Variants in ATP10B observed in about 807,000 individuals in gnomAD.
ATP10B encodes the protein ATPase phospholipid transporting 10B (putative).
Under a neutral mutation model 141.2 loss-of-function variants are expected in ATP10B, and 122 were observed. The ratio of observed to expected loss-of-function variants is 0.86; its 90% CI spans 0.75 to 1.00. The LOEUF (loss-of-function observed/expected upper bound fraction) is 1.00. Among genes scored for constraint, ATP10B ranks in the 50% least tolerant of loss-of-function variants. The pLI is 0.00. For synonymous variants in ATP10B, 685 were observed against 692.0 expected (o/e 0.99, Z 0.16); for missense variants, 1,876 against 1,825.3 (o/e 1.03, Z -0.51).
rs1386316213 is a variant in ATP10B, at chr5:160,569,370, T to A, written c.3938+126A>T. ...CATTGTTCTTTCTGTCCCATCTCTC[T>A]GTTTCTGAAACATTAGCCTCAAGGA... On this transcript the variant is annotated intron_variant, in intron 25 of 25. Coordinates refer to ENST00000327245, the MANE Select transcript of ATP10B (RefSeq NM_025153.3). The A allele has an allele frequency of 8.7e-6, 8 of 914,400 alleles. No homozygotes were observed. The African/African-American group carries it at 1.2e-4, about 14-fold the overall frequency. 56.6% of individuals were successfully genotyped at this position (914,400 alleles called of 1,614,324 possible).
At chr5:160,867,053 A>C in the ATP10B span, among the ~76,000 whole-genome samples, 16,085 of 152,156 alleles carry the variant, frequency 0.11, 991 homozygotes, top group Middle Eastern at 0.15. Context: ...ATCATGTACT[A>C]GCTATATGTT....
At chr5:160,653,708 T>C (rs1019053455) in intron 7 of ATP10B, among the ~76,000 whole-genome samples, 14 of 123,774 alleles carry the variant, frequency 1.1e-4, no homozygotes, top group Admixed American at 4.9e-4. Flanking sequence ...ATATACAATA[T>C]ATACATATAT....
At chr5:160,827,461 A>G (rs746068184) in intron 1 of ATP10B, among the ~76,000 whole-genome samples, 1 of 152,166 alleles carries the variant, frequency 6.6e-6, no homozygotes, top group Non-Finnish European at 1.5e-5. Flanking sequence ...CTTCTTTCAA[A>G]AGGTGTCTGT....
intron 1 of ATP10B, among the ~76,000 whole-genome samples, chr5:160,831,568 T>A (rs180883394): frequency 1.3e-5 from 2 of 152,216 alleles, no homozygotes; most frequent in East Asian, 3.9e-4. Context: ...TTACTAATTA[T>A]GAGGTAACAC....
chr5:160,565,809 G>C lies in ATP10B; in HGVS notation c.4030C>G (p.Leu1344Val). 1 of 1,614,050 alleles carries C rather than the reference G, an allele frequency of 6.2e-7. No homozygotes were observed. Among genetic ancestry groups the C allele is most frequent in the Non-Finnish European group, 8.5e-7 (1 of 1,179,972 alleles). Residue 1344 changes from leucine to valine, a missense_variant, in exon 26 of 26, where the codon CTG becomes GTG. By Grantham distance (32) the Leu-to-Val change is conservative (BLOSUM62 1). Coordinates refer to ENST00000327245, the MANE Select transcript of ATP10B (RefSeq NM_025153.3). Reference protein sequence around the residue: ...IDKLPPDKRNLEIQSWRSRQR... With the variant: ...IDKLPPDKRNVEIQSWRSRQR... Reference sequence around the variant, plus strand: ...CTGCTTCTCCAACTCTGGATTTCCAGGTTTCTTTTGTCTGGGGGGAGTTTG... The same window carrying C: ...CTGCTTCTCCAACTCTGGATTTCCACGTTTCTTTTGTCTGGGGGGAGTTTG...
chr5:160,825,964 C>G (rs1481351047), intron 1 of ATP10B, among the ~76,000 whole-genome samples: 1 of 152,196 alleles, frequency 6.6e-6, no homozygotes, highest in Non-Finnish European at 1.5e-5. Context: ...CAGCTTCATC[C>G]ACTTTGCTGC....
chr5:160,778,289 T>C (rs1325165602), intron 2 of ATP10B, among the ~76,000 whole-genome samples: 1 of 152,176 alleles, frequency 6.6e-6, no homozygotes, highest in Non-Finnish European at 1.5e-5. Flanking sequence ...GTGGCAGCAT[T>C]TAAAAGCATT....
the ATP10B span, among the ~76,000 whole-genome samples, chr5:160,862,256 TATATACCCTGAGTGGACCTG>T: frequency 6.6e-6 from 1 of 152,106 alleles, no homozygotes; most frequent in East Asian, 1.9e-4. Context: ...GAGATTATTT[TATATACCCTGAGTGGACCTG>T]ATTCAATCGG....
intron 3 of ATP10B, among the ~76,000 whole-genome samples, chr5:160,715,726 T>TTATTTATTTATA (rs1391752933): frequency 6.6e-5 from 10 of 151,810 alleles, no homozygotes; most frequent in Middle Eastern, 3.4e-3. Context: ...ATTTATTTAT[T>TTATTTATTTATA]TTTGAGACAG....
chr5:160,668,289 G>A (rs997848710), intron 7 of ATP10B, among the ~76,000 whole-genome samples: 2 of 151,800 alleles, frequency 1.3e-5, no homozygotes, highest in East Asian at 3.9e-4. Context: ...TGCATGTGGT[G>A]AGGCTAAGGT....
At chr5:160,755,810 G>A (rs1217614854) in intron 2 of ATP10B, among the ~76,000 whole-genome samples, 6 of 68,220 alleles carry the variant, frequency 8.8e-5, no homozygotes, top group Admixed American at 2.6e-4. Flanking sequence ...GCGAGACTCC[G>A]TCTCAAAAAA....
At chr5:160,815,477 A>T (rs1406999414) in intron 1 of ATP10B, among the ~76,000 whole-genome samples, 1 of 152,238 alleles carries the variant, frequency 6.6e-6, no homozygotes, top group Non-Finnish European at 1.5e-5. Flanking sequence ...AGGAGCACCC[A>T]GATTCATAAA....
At chr5:160,653,254 T>G (rs1185766047) in intron 7 of ATP10B, among the ~76,000 whole-genome samples, 2 of 131,870 alleles carry the variant, frequency 1.5e-5, no homozygotes, top group Non-Finnish European at 3.1e-5. Context: ...ACATACGTAG[T>G]ATATATACAT....
chr5:160,669,741 A>G (rs1279257880), intron 7 of ATP10B, among the ~76,000 whole-genome samples: 7 of 151,026 alleles, frequency 4.6e-5, no homozygotes, highest in Admixed American at 4.6e-4. Flanking sequence ...CTGGGACTAC[A>G]GATGCCTGCC....
intron 7 of ATP10B, among the ~76,000 whole-genome samples, chr5:160,665,628 G>A (rs965062281): frequency 1.3e-5 from 2 of 152,192 alleles, no homozygotes; most frequent in Admixed American, 6.5e-5. Context: ...CTTGACCACG[G>A]ACCATGAGTT....
the ATP10B span, among the ~76,000 whole-genome samples, chr5:160,889,992 G>A: frequency 6.6e-5 from 10 of 152,200 alleles, no homozygotes; most frequent in East Asian, 1.9e-3. Flanking sequence ...GAATTCTTTG[G>A]AAGATTCATT....
chr5:160,687,003 C>T (rs1016427415), intron 5 of ATP10B: 5 of 981,378 alleles, frequency 5.1e-6, no homozygotes, highest in Non-Finnish European at 6.1e-6. Context: ...GCCACAGTGC[C>T]TTTGCATGTA....
At chr5:160,812,120 G>A (rs1468375742) in intron 1 of ATP10B, among the ~76,000 whole-genome samples, 1 of 151,918 alleles carries the variant, frequency 6.6e-6, no homozygotes, top group Non-Finnish European at 1.5e-5. Flanking sequence ...AAGAGTTTCT[G>A]CCTTGTAATC....
chr5:160,631,872 T>A (rs536652449), intron 13 of ATP10B, among the ~76,000 whole-genome samples: 2 of 152,308 alleles, frequency 1.3e-5, no homozygotes, highest in South Asian at 4.1e-4. Context: ...GGAGAATTTT[T>A]ATAATTCAAT....
Sources: allele counts gnomAD v4.1 joint callset (sites outside exome capture counted in the v4.1 genomes callset), GRCh38; gene constraint gnomAD v4.1.1; transcripts MANE v1.5; gene names NCBI Gene and HGNC (gene_info 2026-07-23, HGNC 2026-07-21).